CAMK1D: variants seen among roughly 807,000 people sequenced by gnomAD.
The protein encoded by CAMK1D is calcium/calmodulin-dependent protein kinase type 1D.
Under a neutral mutation model 47.7 loss-of-function variants are expected in CAMK1D, and 9 were observed. The observed-to-expected ratio is 0.19, with a 90% CI of 0.11 to 0.33. The LOEUF (loss-of-function observed/expected upper bound fraction) is 0.33, where lower values mean the gene tolerates loss of function less well. Among genes scored for constraint, CAMK1D ranks in the 10% least tolerant of loss-of-function variants. CAMK1D has a pLI of 1.00. For missense variants in CAMK1D, 291 were observed against 488.7 expected (o/e 0.60, Z 3.81); for synonymous variants, 184 against 184.9 (o/e 0.99, Z 0.04).
chr10:12,490,502 A>G (rs1473762790), intron 1 of CAMK1D, among the ~76,000 whole-genome samples: 1 of 152,184 alleles, frequency 6.6e-6, no homozygotes, highest in South Asian at 2.1e-4. Flanking sequence ...TTACTTTCTT[A>G]AAGTGATAGA....
At chr10:12,674,958 G>A (rs1199578294) in intron 3 of CAMK1D, among the ~76,000 whole-genome samples, 4 of 150,766 alleles carry the variant, frequency 2.7e-5, no homozygotes, top group African/African-American at 9.8e-5. Flanking sequence ...TTAAACCTGG[G>A]AGGTGGAGGT....
In CAMK1D at chr10:12,732,375, T is replaced by C. The variant is rs141215505; in HGVS notation, c.300-28573T>C. Among the ~76,000 whole-genome samples, 190 of 152,246 alleles carry C rather than the reference T, an allele frequency of 1.2e-3. 2 individuals are homozygous for C. In the Middle Eastern group the frequency reaches 0.024, roughly 19 times the overall value. ...GACAGTGAGTGAGGAGCTGAAATCA[T>C]TGAAAAATAAGGGACATGATCTGTG... On this transcript the variant is annotated intron_variant, in intron 3 of 10. Coordinates refer to ENST00000619168, the MANE Select transcript of CAMK1D (RefSeq NM_153498.4).
At chr10:12,591,547 A>G (rs548893537) in intron 2 of CAMK1D, among the ~76,000 whole-genome samples, 3 of 152,358 alleles carry the variant, frequency 2.0e-5, no homozygotes, top group African/African-American at 7.2e-5. Context: ...CAAGCTCTGA[A>G]TAAATAGCTT....
chr10:12,363,337 C>G (rs1837736237), intron 1 of CAMK1D, among the ~76,000 whole-genome samples: 1 of 151,994 alleles, frequency 6.6e-6, no homozygotes, highest in African/African-American at 2.4e-5. Context: ...CCACTGCTAC[C>G]TCCTCCTCCC....
chr10:12,737,386 T>A (rs564682827), intron 3 of CAMK1D, among the ~76,000 whole-genome samples: 1 of 152,286 alleles, frequency 6.6e-6, no homozygotes, highest in African/African-American at 2.4e-5. Flanking sequence ...CAAAGTGCTG[T>A]GTCTCTGTCA....
At chr10:12,540,871 T>C (rs538805572) in intron 1 of CAMK1D, among the ~76,000 whole-genome samples, 69 of 152,014 alleles carry the variant, frequency 4.5e-4, no homozygotes, top group African/African-American at 1.5e-3. Flanking sequence ...GTTTCTAATT[T>C]GAACTGGTTG....
intron 1 of CAMK1D, among the ~76,000 whole-genome samples, chr10:12,381,479 G>A (rs753103508): frequency 7.9e-5 from 12 of 151,898 alleles, no homozygotes; most frequent in Non-Finnish European, 1.8e-4. Context: ...GGGATTACAG[G>A]CGCATGCCAC....
intron 1 of CAMK1D, among the ~76,000 whole-genome samples, chr10:12,540,446 G>A (rs1026571419): frequency 3.3e-5 from 5 of 152,246 alleles, no homozygotes; most frequent in Non-Finnish European, 7.3e-5. Flanking sequence ...GAGTGTGGCA[G>A]TAGGCACTCA....
rs529970088 is a variant in CAMK1D at position 12,830,964 on chromosome 10, C to CACACACACACAAAA, written c.*2078_*2079insCACACACACAAAAA. On this transcript the variant is annotated 3_prime_UTR_variant, in exon 11 of 11. Coordinates refer to ENST00000619168, the MANE Select transcript of CAMK1D (RefSeq NM_153498.4). ...ACACACACACACACACACACACACA[C>CACACACACACAAAA]AATGTTATTAGGCACAGCAGCTCCA... is the stretch of plus-strand genomic sequence containing the variant. 1.1e-5 allele frequency: 1 copy of CACACACACACAAAA among 89,730 alleles called. No homozygotes were observed. The highest frequency in any genetic ancestry group is 3.9e-5 in the African/African-American group (1 of 25,330). 5.6% of individuals were successfully genotyped at this position (89,730 alleles called of 1,614,324 possible). A position where few individuals can be genotyped will look rare whatever the true frequency, so the allele number is the denominator to read the frequency against.
At chr10:12,783,373 C>T (rs1282231537) in intron 5 of CAMK1D, among the ~76,000 whole-genome samples, 2 of 152,160 alleles carry the variant, frequency 1.3e-5, no homozygotes, top group East Asian at 1.9e-4. Flanking sequence ...GATGTGTCAC[C>T]GTCCTCCGCC....
chr10:12,759,387 C>A (rs1836392592), intron 3 of CAMK1D, among the ~76,000 whole-genome samples: 1 of 152,130 alleles, frequency 6.6e-6, no homozygotes, highest in African/African-American at 2.4e-5. Context: ...TCTAGGGCAC[C>A]CAGACTCACC....
intron 3 of CAMK1D, among the ~76,000 whole-genome samples, chr10:12,697,794 G>A (rs943500468): frequency 1.3e-5 from 2 of 152,280 alleles, no homozygotes; most frequent in East Asian, 1.9e-4. Context: ...AACCTCTGCC[G>A]TCAGTCTGGA....
At chr10:12,681,764 A>T (rs747346611) in intron 3 of CAMK1D, among the ~76,000 whole-genome samples, 3 of 152,264 alleles carry the variant, frequency 2.0e-5, no homozygotes, top group Non-Finnish European at 4.4e-5. Context: ...TGGTTAAAAA[A>T]CAGTTGGAAA....
chr10:12,734,387 T>G lies in CAMK1D; in HGVS notation c.300-26561T>G, dbSNP rs796955612. On this transcript the variant is annotated intron_variant, in intron 3 of 10. Coordinates refer to ENST00000619168, the MANE Select transcript of CAMK1D (RefSeq NM_153498.4). ...ATATATATATATATATAGATATAGA[T>G]ATAGATATATATATATATACACACA... Among the ~76,000 whole-genome samples the G allele has an allele frequency of 6.2e-3, 11 of 1,770 alleles. 2 individuals are homozygous for G. The highest frequency in any genetic ancestry group is 0.035 in the Non-Finnish European group (7 of 198). 1.2% of individuals were successfully genotyped at this position (1,770 alleles called of 152,430 possible).
rs556281100 is a variant in CAMK1D at position 12,352,744 on chromosome 10, T to C, written c.92+2834T>C. On this transcript the variant is annotated intron_variant, in intron 1 of 10. Coordinates refer to ENST00000619168, the MANE Select transcript of CAMK1D (RefSeq NM_153498.4). ...CCTTTTGCTTCTGTGGACTTTCTTT[T>C]TTTTTTTTTTGAGACGGAGTCTCAC... Among the ~76,000 whole-genome samples, 5 of 150,698 alleles carry C rather than the reference T, an allele frequency of 3.3e-5. No homozygotes were observed. In the East Asian group the frequency reaches 9.8e-4, roughly 29 times the overall value.
At chr10:12,711,662 C>T (rs958825666) in intron 3 of CAMK1D, among the ~76,000 whole-genome samples, 1 of 152,098 alleles carries the variant, frequency 6.6e-6, no homozygotes, top group Non-Finnish European at 1.5e-5. Context: ...CATTGCGTTC[C>T]CTGTTAATAT....
At chr10:12,458,412 T>C (rs966739289) in intron 1 of CAMK1D, among the ~76,000 whole-genome samples, 1 of 151,586 alleles carries the variant, frequency 6.6e-6, no homozygotes, top group Non-Finnish European at 1.5e-5. Flanking sequence ...TTGCAAACAG[T>C]ATTTTTTTAA....
At chr10:12,504,129 C>CTG (rs375226417) in intron 1 of CAMK1D, among the ~76,000 whole-genome samples, 19,500 of 146,298 alleles carry the variant, frequency 0.13, 1,328 homozygotes, top group East Asian at 0.16. Flanking sequence ...GTGTGTGTGT[C>CTG]TGTGTGTGTG....
At chr10:12,497,948 G>A (rs1373379870) in intron 1 of CAMK1D, among the ~76,000 whole-genome samples, 2 of 152,202 alleles carry the variant, frequency 1.3e-5, no homozygotes, top group South Asian at 2.1e-4. Flanking sequence ...GGCGGAAGGT[G>A]AATGGGGAGT....
Sources: gnomAD v4.1 joint callset for allele counts (sites outside exome capture counted in the v4.1 genomes callset) on GRCh38, gnomAD v4.1.1 for gene constraint, MANE v1.5 for transcripts, NCBI Gene and HGNC (gene_info 2026-07-23, HGNC 2026-07-21) for gene names.